PIK3R5: variants seen among roughly 807,000 people sequenced by gnomAD.
PIK3R5 encodes the protein phosphoinositide-3-kinase regulatory subunit 5.
A neutral mutation model predicts 94.9 loss-of-function variants in PIK3R5; 32 were observed. The ratio of observed to expected loss-of-function variants is 0.34; its 90% CI spans 0.25 to 0.45. PIK3R5 has a LOEUF of 0.45. Ranked by LOEUF, PIK3R5 falls within the 20% of genes least tolerant of loss-of-function variation. The pLI is 1.00. For synonymous variants in PIK3R5, 443 were observed against 479.4 expected (o/e 0.92, Z 0.99); for missense variants, 853 against 1,144.6 (o/e 0.75, Z 3.68).
At chr17:8,897,639 GT>G (rs1254247615) in intron 5 of PIK3R5, among the ~76,000 whole-genome samples, 1 of 152,118 alleles carries the variant, frequency 6.6e-6, no homozygotes, top group Non-Finnish European at 1.5e-5. Flanking sequence ...TCCATTCCTC[GT>G]TTTTTTATGA....
Position 8,880,685 on chromosome 17 carries a change from G to A in PIK3R5, c.2597C>T (p.Ser866Phe). 6.2e-7 allele frequency: 1 copy of A among 1,613,784 alleles called. No individual in the cohort carries two copies. Among genetic ancestry groups the A allele is most frequent in the Non-Finnish European group, 8.5e-7 (1 of 1,179,886 alleles). The change falls in exon 19 of 19, where the codon TCC (serine) becomes TTC (phenylalanine). Residue 866 changes from serine to phenylalanine, a missense_variant. Ser to Phe is a radical substitution (Grantham distance 155). Around this residue, in one of 6 missense-constraint regions of PIK3R5, gnomAD observed 91 missense variants for 90.5 expected, o/e 1.01. Coordinates refer to ENST00000447110, the MANE Select transcript of PIK3R5 (RefSeq NM_001142633.3). The part of the protein sequence containing the change: ...LPAQAAPDLC[S>F]LLCLPIMTFS... Reference sequence around the variant, plus strand: ...AGTCATGATGGGCAGGCAGAGAAGGGAGCAGAGATCAGGTGCGGCCTGGGC... The same window carrying A: ...AGTCATGATGGGCAGGCAGAGAAGGAAGCAGAGATCAGGTGCGGCCTGGGC...
At chr17:8,885,261 C>T (rs2089791453) in intron 14 of PIK3R5, among the ~76,000 whole-genome samples, 1 of 151,590 alleles carries the variant, frequency 6.6e-6, no homozygotes, top group Non-Finnish European at 1.5e-5. Flanking sequence ...ACCGTGCCTC[C>T]CCAGGGCCCT....
At chr17:8,943,896 T>TA (rs397734326) in intron 1 of PIK3R5, among the ~76,000 whole-genome samples, 5 of 151,612 alleles carry the variant, frequency 3.3e-5, no homozygotes, top group Admixed American at 1.3e-4. Flanking sequence ...TTTTTTTTTT[T>TA]AACTTTTATT....
chr17:8,935,814 G>C lies in PIK3R5; in HGVS notation c.-13-24307C>G, dbSNP rs1486569207. ...TCACGCTTGTAATCCCAGCACTTTG[G>C]GAGGCTGAGGCGGGCGGATCACGAG... On this transcript the variant is annotated intron_variant, in intron 1 of 18. Coordinates refer to ENST00000447110, the MANE Select transcript of PIK3R5 (RefSeq NM_001142633.3). The surrounding 1 kb of genome is among the most constrained non-coding windows in gnomAD (Gnocchi z 4.5). 6.6e-6 allele frequency among the ~76,000 whole-genome samples: 1 copy of C among 152,094 alleles called. No homozygotes were observed. The highest frequency in any genetic ancestry group is 1.5e-5 in the Non-Finnish European group (1 of 68,022).
At chr17:8,912,003 C>G (rs2090537195) in intron 1 of PIK3R5, 1 of 152,542 alleles carries the variant, frequency 6.6e-6, no homozygotes, top group African/African-American at 2.4e-5. Flanking sequence ...GGAGCTCCCT[C>G]TGATTGGGTG....
At chr17:8,930,631 A>G (rs890668427) in intron 1 of PIK3R5, among the ~76,000 whole-genome samples, 2 of 152,254 alleles carry the variant, frequency 1.3e-5, no homozygotes, top group African/African-American at 4.8e-5. Flanking sequence ...ATGTCTTTCA[A>G]TTTAGAATAT....
rs1230363989 is a variant in PIK3R5 at position 8,886,552 on chromosome 17, G to A, written c.1959C>T (p.Pro653=). Residue 653 remains proline, a synonymous_variant, in exon 13 of 19, where the codon CCC becomes CCT. Transcript: ENST00000447110. ...AGTAGAGTAGCATGTCAGCCAGGAT[G>A]GGCAGCTGGGTTGGGGAGCCCTCCA... The part of the protein sequence containing the change: ...QALEGSPTQL[P]ILADMLLYYC... 1.9e-6 allele frequency: 3 copies of A among 1,612,272 alleles called. No individual in the cohort carries two copies. Among genetic ancestry groups the A allele is most frequent in the South Asian group, 2.2e-5 (2 of 90,814 alleles).
intron 1 of PIK3R5, among the ~76,000 whole-genome samples, chr17:8,931,342 T>C (rs1026788795): frequency 6.6e-6 from 1 of 152,198 alleles, no homozygotes; most frequent in Non-Finnish European, 1.5e-5. Context: ...TGAGAAGGGA[T>C]AATTGGCACT....
intron 1 of PIK3R5, among the ~76,000 whole-genome samples, chr17:8,949,535 A>G (rs1344880491): frequency 6.6e-6 from 1 of 152,094 alleles, no homozygotes; most frequent in African/African-American, 2.4e-5. Flanking sequence ...ACAGAGAAAG[A>G]CAGAGACAGA....
At position 8,890,876 on chromosome 17, in the gene PIK3R5, G is replaced by A. The variant is rs199816835; in HGVS notation, c.519C>T (p.Ala173=). The A allele has an allele frequency of 2.2e-5, 36 of 1,613,812 alleles. No homozygotes were observed. In the East Asian group the frequency reaches 5.1e-4, roughly 23 times the overall value. The change falls in exon 7 of 19, where the codon GCC becomes GCT. Residue 173 remains alanine, a synonymous_variant. Coordinates refer to ENST00000447110, the MANE Select transcript of PIK3R5 (RefSeq NM_001142633.3). This position sits in a 1 kb window ranked among gnomAD's most constrained non-coding sequence, Gnocchi z 6.1. ...GCTTATTGGCTACAGCAAGGAACTC[G>A]GCCTGCACTTCCACTGGGTTCAGCA... ...VLLLNPVEVQ[A]EFLAVANKLS...
chr17:8,886,463 C>T lies in PIK3R5; in HGVS notation c.2034+14G>A. The T allele has an allele frequency of 1.3e-6, 2 of 1,597,792 alleles. No homozygotes were observed. Among genetic ancestry groups the T allele is most frequent in the Non-Finnish European group, 1.7e-6 (2 of 1,171,120 alleles). On this transcript the variant is annotated intron_variant, in intron 13 of 18. Transcript: ENST00000447110. ...CAGGTGGGGAAGAGGCGGTTCGGGGCAGGGAGGCCTTACCTCGGTCTGATA... is the reference window on the plus strand; with the variant it reads ...CAGGTGGGGAAGAGGCGGTTCGGGGTAGGGAGGCCTTACCTCGGTCTGATA...
At chr17:8,949,848 A>G (rs1228434973) in intron 1 of PIK3R5, among the ~76,000 whole-genome samples, 1 of 152,260 alleles carries the variant, frequency 6.6e-6, no homozygotes, top group Non-Finnish European at 1.5e-5. Flanking sequence ...AGTCACCTCT[A>G]AAGAACTTAC....
chr17:8,958,761 T>TC (rs1479747380), intron 1 of PIK3R5, among the ~76,000 whole-genome samples: 115 of 136,808 alleles, frequency 8.4e-4, no homozygotes, highest in African/African-American at 2.5e-3. Flanking sequence ...TCTCTCTCTC[T>TC]TTTTTTTTTT....
At position 8,955,615 on chromosome 17, in the gene PIK3R5, A is replaced by G. The variant is rs1429990896; in HGVS notation, c.-14+9981T>C. On this transcript the variant is annotated intron_variant, in intron 1 of 18. Transcript: ENST00000447110. This position sits in a 1 kb window ranked among gnomAD's most constrained non-coding sequence, Gnocchi z 4.4. ...GAAGAGCCTGTGGTCCAAAAGGCCC[A>G]CCAGAGGCATATGGTAAATAAAGCC... 1.3e-5 allele frequency among the ~76,000 whole-genome samples: 2 copies of G among 152,190 alleles called. No homozygotes were observed. Among genetic ancestry groups the G allele is most frequent in the African/African-American group, 4.8e-5 (2 of 41,448 alleles).
chr17:8,941,980 C>A (rs1165171679), intron 1 of PIK3R5, among the ~76,000 whole-genome samples: 1 of 152,212 alleles, frequency 6.6e-6, no homozygotes, highest in African/African-American at 2.4e-5. Flanking sequence ...CTGAGAATTT[C>A]CCGTTAGATG....
chr17:8,889,199 G>T lies in PIK3R5; in HGVS notation c.835C>A (p.His279Asn). ...VLDTAKPGKL[H>N]TIPIPVARCY... ...CTGGCGACAGGGATGGGGATGGTGT[G>T]GAGCTTCCCTGGTTTTGCAGTGTCT... The change falls in exon 9 of 19, where the codon CAC becomes AAC. Residue 279 changes from histidine (H) to asparagine (N), a missense_variant. Physicochemically the swap from His to Asn is moderately conservative, Grantham distance 68. Coordinates refer to ENST00000447110, the MANE Select transcript of PIK3R5 (RefSeq NM_001142633.3). This position sits in a 1 kb window ranked among gnomAD's most constrained non-coding sequence, Gnocchi z 4.1. 1.2e-6 allele frequency: 2 copies of T among 1,613,844 alleles called. No homozygotes were observed. The highest frequency in any genetic ancestry group is 1.7e-6 in the Non-Finnish European group (2 of 1,179,848).
chr17:8,895,488 C>G (rs1342413301), intron 5 of PIK3R5, among the ~76,000 whole-genome samples: 1 of 152,118 alleles, frequency 6.6e-6, no homozygotes, highest in Non-Finnish European at 1.5e-5. Context: ...CCCTCCTGAC[C>G]CTGCTCTCCT....
chr17:8,929,992 C>T (rs139188020), intron 1 of PIK3R5, among the ~76,000 whole-genome samples: 43 of 152,234 alleles, frequency 2.8e-4, no homozygotes, highest in Admixed American at 1.2e-3. Context: ...AAGAAATAAT[C>T]GGAGACTTCA....
In PIK3R5 at chr17:8,935,010, C is replaced by A. The variant is rs981125102; in HGVS notation, c.-13-23503G>T. On this transcript the variant is annotated intron_variant, in intron 1 of 18. Transcript: ENST00000447110. The surrounding 1 kb of genome is among the most constrained non-coding windows in gnomAD (Gnocchi z 4.5). Reference sequence around the variant, plus strand: ...GCTGCCTCTGCCTGAAACATTTCCACCATGTTCCCCTGTTTCTGATGTGGA... The same window carrying A: ...GCTGCCTCTGCCTGAAACATTTCCAACATGTTCCCCTGTTTCTGATGTGGA... Among the ~76,000 whole-genome samples, 8 of 152,162 alleles carry A rather than the reference C, an allele frequency of 5.3e-5. No homozygotes were observed. The highest frequency in any genetic ancestry group is 1.2e-4 in the Non-Finnish European group (8 of 68,032).
Sources: allele counts gnomAD v4.1 joint callset (sites outside exome capture counted in the v4.1 genomes callset), GRCh38; gene constraint gnomAD v4.1.1; regional missense constraint gnomAD v4.1.1; non-coding constraint Gnocchi (gnomAD v3.1); transcripts MANE v1.5; gene names NCBI Gene and HGNC (gene_info 2026-07-23, HGNC 2026-07-21).